The following USP15 variants were observed in gnomAD, a reference collection of about 807,000 sequenced individuals.
USP15 encodes ubiquitin carboxyl-terminal hydrolase 15.
A neutral mutation model predicts 127.1 loss-of-function variants in USP15; 18 were observed. That is an observed-to-expected ratio of 0.14 (90% confidence interval 0.10 to 0.21). The LOEUF (loss-of-function observed/expected upper bound fraction) is 0.21, where lower values mean the gene tolerates loss of function less well. Among genes scored for constraint, USP15 ranks in the 10% least tolerant of loss-of-function variants. The pLI is 1.00. For synonymous variants in USP15, 364 were observed against 393.7 expected (o/e 0.92, Z 0.89); for missense variants, 805 against 1,159.9 (o/e 0.69, Z 4.44).
Position 62,396,389 on chromosome 12 carries a change from G to A in USP15, c.2665G>A (p.Gly889Arg). ...TTCCAACCACTATGGAGGGATGGGA[G>A]GAGGACACTGTAAGTTGACAGTTTG... ...AVSNHYGGMG[G>R]GHYTAFAKNK... Residue 889 changes from glycine (G) to arginine (R), a missense_variant, in exon 20 of 22, where the codon GGA (glycine) becomes AGA (arginine). Around this residue, in one of 11 missense-constraint regions of USP15, gnomAD observed 116 missense variants for 157.2 expected, o/e 0.74. Transcript: ENST00000280377. The A allele has an allele frequency of 1.2e-6, 2 of 1,613,244 alleles. No individual in the cohort carries two copies. The highest frequency in any genetic ancestry group is 2.2e-5 in the East Asian group (1 of 44,818).
chr12:62,349,406 C>A, intron 7 of USP15, 99 bp downstream of exon 7: 1 of 712,408 alleles, frequency 1.4e-6, no homozygotes, highest in Non-Finnish European at 2.0e-6. Flanking sequence ...AGTCTTAATG[C>A]ATTAAAATTG....
intron 2 of USP15, among the ~76,000 whole-genome samples, chr12:62,298,093 C>T (rs921066367): frequency 6.6e-6 from 1 of 152,144 alleles, no homozygotes. Flanking sequence ...TTGAAATTAT[C>T]TAATCAGAGG....
At chr12:62,388,578 T>C (rs951939709) in intron 11 of USP15, among the ~76,000 whole-genome samples, 1 of 152,230 alleles carries the variant, frequency 6.6e-6, no homozygotes, top group Non-Finnish European at 1.5e-5. Context: ...ATTGGGAAAT[T>C]CTCTTCAGCA....
At chr12:62,285,017 A>G (rs917806668) in intron 1 of USP15, among the ~76,000 whole-genome samples, 1 of 152,126 alleles carries the variant, frequency 6.6e-6, no homozygotes, top group Admixed American at 6.5e-5. Flanking sequence ...TTTTACTACT[A>G]TAGGAGGAAC....
chr12:62,360,472 A>G (rs1006094787), intron 8 of USP15, among the ~76,000 whole-genome samples: 1 of 152,078 alleles, frequency 6.6e-6, no homozygotes, highest in Non-Finnish European at 1.5e-5. Context: ...TTAAGAAACT[A>G]GATAGATCTT....
At chr12:62,316,972 A>G (rs1040269753) in intron 4 of USP15, among the ~76,000 whole-genome samples, 1 of 152,150 alleles carries the variant, frequency 6.6e-6, no homozygotes, top group Non-Finnish European at 1.5e-5. Flanking sequence ...CAATTTTTGC[A>G]TAGCTATAAT....
chr12:62,295,110 G>A (rs1168138085), intron 2 of USP15, among the ~76,000 whole-genome samples: 4 of 152,112 alleles, frequency 2.6e-5, no homozygotes, highest in Admixed American at 2.0e-4. Flanking sequence ...AAAGTAGTGA[G>A]TAGCTCAGAG....
chr12:62,272,724 C>T (rs2063371924), intron 1 of USP15, among the ~76,000 whole-genome samples: 1 of 151,962 alleles, frequency 6.6e-6, no homozygotes, highest in Admixed American at 6.6e-5. Flanking sequence ...TCTGAAGCCC[C>T]AGTTTCTCCA....
At chr12:62,388,099 G>A (rs1259991364) in intron 11 of USP15, among the ~76,000 whole-genome samples, 1 of 149,552 alleles carries the variant, frequency 6.7e-6, no homozygotes, top group Non-Finnish European at 1.5e-5. Flanking sequence ...GAAATAGGAA[G>A]CCTAAAGAAT....
At chr12:62,312,626 C>T (rs746282762) in intron 3 of USP15, among the ~76,000 whole-genome samples, 3 of 151,538 alleles carry the variant, frequency 2.0e-5, no homozygotes, top group Non-Finnish European at 3.0e-5. Flanking sequence ...TTATAATTCA[C>T]TTAGAGTAAA....
chr12:62,360,059 T>C (rs1326597583), intron 8 of USP15, among the ~76,000 whole-genome samples: 1 of 152,156 alleles, frequency 6.6e-6, no homozygotes, highest in African/African-American at 2.4e-5. Context: ...TCTTTTTCAT[T>C]GTCAAGGCCT....
At chr12:62,321,947 C>T (rs10506441) in intron 5 of USP15, among the ~76,000 whole-genome samples, 1,858 of 152,284 alleles carry the variant, frequency 0.012, 110 homozygotes, top group Admixed American at 0.099. Flanking sequence ...TTACAGTTCT[C>T]TGCAGGCCAT....
At chr12:62,329,528 C>G (rs2065223632) in intron 6 of USP15, among the ~76,000 whole-genome samples, 1 of 152,066 alleles carries the variant, frequency 6.6e-6, no homozygotes, top group South Asian at 2.1e-4. Context: ...AGTCAGATGT[C>G]AGCTTTGGAA....
chr12:62,349,177 T>G, intron 6 of USP15, 44 bp from the exon 7 acceptor site: 2 of 1,165,304 alleles, frequency 1.7e-6, no homozygotes, highest in South Asian at 1.8e-5. Flanking sequence ...AATTTAAAAA[T>G]TCTTCATTTT....
chr12:62,396,173 G>A (rs923200458), intron 19 of USP15, 122 bp from the exon 20 acceptor site: 4 of 471,390 alleles, frequency 8.5e-6, no homozygotes, highest in Non-Finnish European at 1.4e-5. Flanking sequence ...TATATAGATA[G>A]ATATATATAG....
intron 21 of USP15, among the ~76,000 whole-genome samples, chr12:62,401,514 C>T (rs2067686788): frequency 6.6e-6 from 1 of 151,838 alleles, no homozygotes; most frequent in African/African-American, 2.4e-5. Context: ...TGGTAGTTTT[C>T]AACATGGAGT....
At chr12:62,374,276 C>A in intron 8 of USP15, 1 of 565,462 alleles carries the variant, frequency 1.8e-6, no homozygotes, top group Non-Finnish European at 2.2e-6. Flanking sequence ...GAAGGTATAG[C>A]CATTTTTTTA....
chr12:62,288,967 G>A (rs80318998), intron 1 of USP15, among the ~76,000 whole-genome samples: 3,174 of 152,062 alleles, frequency 0.021, 105 homozygotes, highest in African/African-American at 0.073. Context: ...TTATCTTTTC[G>A]AATGCTGTTG....
intron 1 of USP15, among the ~76,000 whole-genome samples, chr12:62,272,604 G>T (rs1206922431): frequency 1.3e-5 from 2 of 151,824 alleles, no homozygotes; most frequent in Admixed American, 1.3e-4. Context: ...TTTGCATCTA[G>T]TGTAAAAGCA....
Sources: allele counts gnomAD v4.1 joint callset (sites outside exome capture counted in the v4.1 genomes callset), GRCh38; gene constraint gnomAD v4.1.1; regional missense constraint gnomAD v4.1.1; transcripts MANE v1.5; gene names NCBI Gene and HGNC (gene_info 2026-07-23, HGNC 2026-07-21).